VAV3: variants seen among roughly 807,000 people sequenced by gnomAD.
VAV3 encodes guanine nucleotide exchange factor VAV3.
VAV3 carries 94 observed loss-of-function variants against 131.2 expected under a neutral mutation model. The ratio of observed to expected loss-of-function variants is 0.72; its 90% CI spans 0.61 to 0.85. The LOEUF is 0.85. Among genes scored for constraint, VAV3 ranks in the 40% least tolerant of loss-of-function variants. The pLI, the probability that VAV3 is intolerant of heterozygous loss-of-function variation, is 0.00. For missense variants in VAV3, 939 were observed against 1,002.7 expected, an observed-to-expected ratio of 0.94 and a Z score of 0.86; for synonymous variants, 349 against 342.0, an observed-to-expected ratio of 1.02 and a Z score of -0.22.
intron 4 of VAV3, among the ~76,000 whole-genome samples, chr1:107,775,005 G>A (rs1032241408): frequency 6.6e-6 from 1 of 151,748 alleles, no homozygotes; most frequent in Admixed American, 6.6e-5. Context: ...CCAGGAGTTG[G>A]AGACCAGCCT....
At chr1:107,745,047 G>A (rs1349108215) in intron 15 of VAV3, among the ~76,000 whole-genome samples, 1 of 152,118 alleles carries the variant, frequency 6.6e-6, no homozygotes, top group Non-Finnish European at 1.5e-5. Flanking sequence ...CATATCCATA[G>A]CTTCTTAACA....
chr1:107,848,037 G>A (rs777209881), intron 2 of VAV3, among the ~76,000 whole-genome samples: 5 of 152,088 alleles, frequency 3.3e-5, no homozygotes, highest in Non-Finnish European at 5.9e-5. Context: ...AAACCAGCCA[G>A]GTGTGGTGTC....
At chr1:107,935,373 A>T (rs1199023321) in intron 1 of VAV3, among the ~76,000 whole-genome samples, 1 of 152,202 alleles carries the variant, frequency 6.6e-6, no homozygotes, top group African/African-American at 2.4e-5. Flanking sequence ...TATATCAAAG[A>T]AGTAAATATA....
intron 3 of VAV3, 116 bp downstream of exon 3, chr1:107,779,318 C>T: frequency 2.3e-6 from 2 of 862,898 alleles, no homozygotes; most frequent in Non-Finnish European, 3.3e-6. Context: ...ACCAGGCACT[C>T]TTCATGAATG....
chr1:107,858,332 T>C (rs1669571034), intron 2 of VAV3, among the ~76,000 whole-genome samples: 1 of 152,188 alleles, frequency 6.6e-6, no homozygotes, highest in South Asian at 2.1e-4. Context: ...CTTCTAAACC[T>C]TCCTTCAAAA....
chr1:107,634,113 A>G (rs1654721925), intron 20 of VAV3, among the ~76,000 whole-genome samples: 1 of 152,184 alleles, frequency 6.6e-6, no homozygotes, highest in African/African-American at 2.4e-5. Context: ...CAGAATTGGA[A>G]AAAACTACTT....
At chr1:107,582,982 T>C (rs911095350) in intron 25 of VAV3, among the ~76,000 whole-genome samples, 36 of 152,198 alleles carry the variant, frequency 2.4e-4, no homozygotes, top group African/African-American at 7.5e-4. Flanking sequence ...CCTGAGGAAT[T>C]GCCACACTGA....
intron 2 of VAV3, among the ~76,000 whole-genome samples, chr1:107,798,739 AAAAAAG>A (rs1171387157): frequency 5.0e-4 from 75 of 150,742 alleles, no homozygotes; most frequent in African/African-American, 1.8e-3. Context: ...AAAAAAAAAA[AAAAAAG>A]AAGAACATGC....
intron 2 of VAV3, among the ~76,000 whole-genome samples, chr1:107,860,173 T>G (rs1669669844): frequency 6.6e-6 from 1 of 152,186 alleles, no homozygotes; most frequent in South Asian, 2.1e-4. Context: ...CAGGCGAGAA[T>G]GCAGTGGCAT....
At chr1:107,751,269 G>T in intron 12 of VAV3, 67 bp from the exon 13 acceptor site, 1 of 1,280,182 alleles carries the variant, frequency 7.8e-7, no homozygotes, top group Non-Finnish European at 1.1e-6. Flanking sequence ...AATATTAGTA[G>T]AGATATTTAC....
intron 2 of VAV3, among the ~76,000 whole-genome samples, chr1:107,781,078 C>G (rs891956054): frequency 6.6e-6 from 1 of 152,108 alleles, no homozygotes; most frequent in African/African-American, 2.4e-5. Context: ...ACTTCAGGAA[C>G]TGGTACCATA....
chr1:107,879,478 A>G (rs978383653), intron 1 of VAV3, among the ~76,000 whole-genome samples: 2 of 152,230 alleles, frequency 1.3e-5, no homozygotes, highest in African/African-American at 4.8e-5. Context: ...AAGAAAATTG[A>G]GATAACTGAA....
At chr1:107,775,047 T>C (rs1665270646) in intron 4 of VAV3, among the ~76,000 whole-genome samples, 1 of 152,100 alleles carries the variant, frequency 6.6e-6, no homozygotes, top group Non-Finnish European at 1.5e-5. Context: ...TCTTTAATCC[T>C]GCAAATACAT....
At chr1:107,771,940 C>T (rs1426172262) in intron 5 of VAV3, among the ~76,000 whole-genome samples, 1 of 152,236 alleles carries the variant, frequency 6.6e-6, no homozygotes, top group Non-Finnish European at 1.5e-5. Context: ...AGGCAGGTAA[C>T]TTGTTTCCAT....
Position 107,771,490 on chromosome 1 carries a change from T to C in VAV3, c.556-762A>G, listed in dbSNP as rs1665041033. The stretch of plus-strand genomic sequence containing the variant: ...GGATGGTCTTGATCTCCTGACCTCA[T>C]GATCTGCCTGCCTCGGCCTCTCAGA... On this transcript the variant is annotated intron_variant, in intron 5 of 26. Transcript: ENST00000370056. Among the ~76,000 whole-genome samples, 4 of 152,182 alleles carry C rather than the reference T, an allele frequency of 2.6e-5. 1 individual carries two copies. Among genetic ancestry groups the C allele is most frequent in the Admixed American group, 2.6e-4 (4 of 15,286 alleles).
At chr1:107,589,650 A>C (rs1650785618) in intron 25 of VAV3, among the ~76,000 whole-genome samples, 2 of 152,226 alleles carry the variant, frequency 1.3e-5, no homozygotes, top group African/African-American at 4.8e-5. Context: ...AAATATTTAA[A>C]TTACCAGAAT....
intron 15 of VAV3, among the ~76,000 whole-genome samples, chr1:107,720,630 A>T (rs1185527288): frequency 6.6e-6 from 1 of 152,156 alleles, no homozygotes; most frequent in Admixed American, 6.5e-5. Context: ...GTGAGCTGAG[A>T]TCGCACCATT....
rs1173080657 is a variant in VAV3, at chr1:107,573,490, A to G, written c.2503-118T>C. Reference sequence around the variant, plus strand: ...CCAATTAAACTGGGGTTTTATGTCCATTGTAGGTGAGAAGATTGGTTTAAC... The same window carrying G: ...CCAATTAAACTGGGGTTTTATGTCCGTTGTAGGTGAGAAGATTGGTTTAAC... On this transcript the variant is annotated intron_variant, in intron 26 of 26. Transcript: ENST00000370056. The G allele has an allele frequency of 4.2e-6, 5 of 1,177,982 alleles. No homozygotes were observed. In the African/African-American group the frequency reaches 7.8e-5, roughly 18 times the overall value. 73.0% of individuals were successfully genotyped at this position (1,177,982 alleles called of 1,614,324 possible).
chr1:107,939,340 A>G (rs1331520397), intron 1 of VAV3, among the ~76,000 whole-genome samples: 2 of 152,180 alleles, frequency 1.3e-5, no homozygotes, highest in East Asian at 1.9e-4. Context: ...CTATGGTTCA[A>G]CTTACAACTT....
Sources: allele counts gnomAD v4.1 joint callset (sites outside exome capture counted in the v4.1 genomes callset), GRCh38; gene constraint gnomAD v4.1.1; transcripts MANE v1.5; gene names NCBI Gene and HGNC (gene_info 2026-07-23, HGNC 2026-07-21).